The following GPRC6A variants were observed in gnomAD, a reference collection of about 807,000 sequenced individuals.
GPRC6A encodes the protein G protein-coupled receptor class C group 6 member A, also known as G protein-coupled receptor family C group 6 member A.
In GPRC6A, 54 loss-of-function variants were observed where a neutral mutation model predicts 47.0. The observed-to-expected ratio is 1.15, with a 90% confidence interval of 0.92 to 1.44. The LOEUF (loss-of-function observed/expected upper bound fraction) is 1.44, where lower values mean the gene tolerates loss of function less well. Ranked by LOEUF, GPRC6A falls within the 40% of genes most tolerant of loss-of-function variation. GPRC6A has a pLI of 0.00. For synonymous variants in GPRC6A, 347 were observed against 377.1 expected (o/e 0.92, Z 0.93); for missense variants, 1,112 against 1,105.5 (o/e 1.01, Z -0.08).
intron 1 of GPRC6A, among the ~76,000 whole-genome samples, chr6:116,810,025 A>C (rs1772975410): frequency 6.6e-6 from 1 of 152,012 alleles, no homozygotes; most frequent in Non-Finnish European, 1.5e-5. Context: ...GATAAATAAG[A>C]CTCTTAAGAA....
At chr6:116,794,719 T>C (rs1772422371) in intron 5 of GPRC6A, among the ~76,000 whole-genome samples, 2 of 152,212 alleles carry the variant, frequency 1.3e-5, no homozygotes, top group African/African-American at 4.8e-5. Flanking sequence ...TTTTTATTTA[T>C]TGATAATTTA....
Position 116,792,677 on chromosome 6 carries a change from A to G in GPRC6A, c.2246T>C (p.Ile749Thr), listed in dbSNP as rs373728061. The G allele has an allele frequency of 2.2e-5, 35 of 1,613,402 alleles. No homozygotes were observed. Among genetic ancestry groups the G allele is most frequent in the Non-Finnish European group, 2.8e-5 (33 of 1,179,590 alleles). Residue 749 changes from isoleucine to threonine, a missense_variant, in exon 6 of 6, where the codon ATA becomes ACA. Transcript: ENST00000310357. ...VIILECEEGS[I>T]LAFGTMLGYI... ...GCCCAGCATGGTGCCAAATGCAAGT[A>G]TGGATCCCTCCTCACACTCCAGGAT... is the stretch of plus-strand genomic sequence containing the variant.
intron 1 of GPRC6A, among the ~76,000 whole-genome samples, chr6:116,810,175 A>T (rs1772980346): frequency 1.3e-5 from 2 of 152,170 alleles, no homozygotes; most frequent in Non-Finnish European, 2.9e-5. Context: ...CAGAGCACTG[A>T]GTTGTCTGAT....
chr6:116,816,873 C>A (rs184631030), intron 1 of GPRC6A, among the ~76,000 whole-genome samples: 1 of 151,892 alleles, frequency 6.6e-6, no homozygotes, highest in East Asian at 1.9e-4. Context: ...CCGCACCTGG[C>A]TCAGAGGGTC....
At position 116,793,159 on chromosome 6, in the gene GPRC6A, G is replaced by A. The variant is rs1049191534; in HGVS notation, c.1764C>T (p.Asn588=). The stretch of plus-strand genomic sequence containing the variant: ...GTAGGATGGCCAAGGAGTCATTCCA[G>A]TTGAGATATTCCACTTCCTTTTCAA... The part of the protein sequence containing the change: ...MCFEKEVEYL[N]WNDSLAILLL... The change falls in exon 6 of 6, where the codon AAC becomes AAT. Residue 588 remains asparagine (N), a synonymous_variant. Coordinates refer to ENST00000310357, the MANE Select transcript of GPRC6A (RefSeq NM_148963.4). The A allele has an allele frequency of 1.5e-5, 25 of 1,613,294 alleles. No individual in the cohort carries two copies. Among genetic ancestry groups the A allele is most frequent in the Non-Finnish European group, 2.0e-5 (24 of 1,179,440 alleles).
chr6:116,793,155 T>C lies in GPRC6A; in HGVS notation c.1768A>G (p.Asn590Asp), dbSNP rs778635667. The change falls in exon 6 of 6, where the codon AAT becomes GAT. Residue 590 changes from asparagine to aspartate, a missense_variant. Asn to Asp is a conservative substitution (Grantham distance 23). Coordinates refer to ENST00000310357, the MANE Select transcript of GPRC6A (RefSeq NM_148963.4). ...FEKEVEYLNW[N>D]DSLAILLLIL... Reference sequence around the variant, plus strand: ...AGGAGTAGGATGGCCAAGGAGTCATTCCAGTTGAGATATTCCACTTCCTTT... The same window carrying C: ...AGGAGTAGGATGGCCAAGGAGTCATCCCAGTTGAGATATTCCACTTCCTTT... The C allele has an allele frequency of 6.2e-7, 1 of 1,613,486 alleles. No individual in the cohort carries two copies. The highest frequency in any genetic ancestry group is 1.3e-5 in the African/African-American group (1 of 74,908).
chr6:116,824,154 A>C (rs1207122251), intron 1 of GPRC6A, among the ~76,000 whole-genome samples: 1 of 152,142 alleles, frequency 6.6e-6, no homozygotes, highest in Non-Finnish European at 1.5e-5. Context: ...AAAAGAAGAA[A>C]GATTTCAAAT....
At chr6:116,809,066 A>G (rs1039771541) in intron 2 of GPRC6A, among the ~76,000 whole-genome samples, 1 of 152,102 alleles carries the variant, frequency 6.6e-6, no homozygotes, top group African/African-American at 2.4e-5. Flanking sequence ...CCTTTTTGCT[A>G]TTCTTTGGGC....
rs775905966 is a variant in GPRC6A, at chr6:116,793,239, A to G, written c.1684T>C (p.Cys562Arg). The G allele has an allele frequency of 5.0e-6, 8 of 1,595,540 alleles. No homozygotes were observed. The African/African-American group carries it at 9.4e-5, about 19-fold the overall frequency. Reference protein sequence around the residue: ...HYTNQTDMPHCLLCNNKTHWA... With the variant: ...HYTNQTDMPHRLLCNNKTHWA... ...TGAGTTTTGTTGTTGCATAAAAGGCAGTGAGGCATATCTAAAAGACAGAGG... is the reference window on the plus strand; with the variant it reads ...TGAGTTTTGTTGTTGCATAAAAGGCGGTGAGGCATATCTAAAAGACAGAGG... Residue 562 changes from cysteine to arginine, a missense_variant, in exon 6 of 6, where the codon TGC becomes CGC. By Grantham distance (180) the Cys-to-Arg change is radical. Coordinates refer to ENST00000310357, the MANE Select transcript of GPRC6A (RefSeq NM_148963.4).
At chr6:116,807,991 G>A (rs1207607096) in intron 2 of GPRC6A, among the ~76,000 whole-genome samples, 7 of 149,662 alleles carry the variant, frequency 4.7e-5, no homozygotes, top group South Asian at 2.1e-4. Context: ...CTTTTCTTTC[G>A]TTCCTTCTTT....
chr6:116,800,858 C>A, intron 3 of GPRC6A, 62 bp from the exon 4 acceptor site: 2 of 928,618 alleles, frequency 2.2e-6, no homozygotes, highest in Non-Finnish European at 3.4e-6. Context: ...ATCCATTATT[C>A]TAATGATAAC....
intron 4 of GPRC6A, among the ~76,000 whole-genome samples, chr6:116,797,545 AG>A (rs1772529634): frequency 1.3e-5 from 2 of 152,184 alleles, no homozygotes; most frequent in Admixed American, 1.3e-4. Context: ...AAATAATTAT[AG>A]GTGTCTCCAT....
In GPRC6A at chr6:116,795,692, T is replaced by C; in HGVS notation, c.1672+20A>G. Reference sequence around the variant, plus strand: ...GCCTAAGAGGAATGATTCAGGTGTATGTGGAGTGACTGTGATTACCTGTCT... The same window carrying C: ...GCCTAAGAGGAATGATTCAGGTGTACGTGGAGTGACTGTGATTACCTGTCT... On this transcript the variant is annotated intron_variant, in intron 5 of 5. Transcript: ENST00000310357. 1.3e-6 allele frequency: 2 copies of C among 1,591,798 alleles called. No homozygotes were observed. The highest frequency in any genetic ancestry group is 1.7e-6 in the Non-Finnish European group (2 of 1,165,922).
intron 1 of GPRC6A, among the ~76,000 whole-genome samples, chr6:116,820,597 A>T (rs1251742798): frequency 4.0e-5 from 6 of 149,142 alleles, no homozygotes; most frequent in Non-Finnish European, 6.0e-5. Context: ...AACAGAGCCA[A>T]AGACAAAAAC....
intron 1 of GPRC6A, among the ~76,000 whole-genome samples, chr6:116,826,595 C>G (rs371593718): frequency 1.2e-4 from 18 of 151,934 alleles, no homozygotes; most frequent in Non-Finnish European, 2.5e-4. Flanking sequence ...CTCATCTACA[C>G]TATTGGAGAA....
chr6:116,820,983 C>T (rs1203863725), intron 1 of GPRC6A, among the ~76,000 whole-genome samples: 1 of 151,880 alleles, frequency 6.6e-6, no homozygotes, highest in Non-Finnish European at 1.5e-5. Context: ...CCAAAATCTC[C>T]TTAAGCTGAT....
chr6:116,825,646 C>T (rs1200863073), intron 1 of GPRC6A, among the ~76,000 whole-genome samples: 1 of 151,696 alleles, frequency 6.6e-6, no homozygotes, highest in Non-Finnish European at 1.5e-5. Context: ...ATACCCAAAC[C>T]AACATATGGA....
At chr6:116,820,155 C>A (rs370695708) in intron 1 of GPRC6A, among the ~76,000 whole-genome samples, 2 of 150,676 alleles carry the variant, frequency 1.3e-5, no homozygotes, top group Non-Finnish European at 3.0e-5. Flanking sequence ...AAGACTAAAC[C>A]AGGAAGAAGT....
At chr6:116,812,635 AC>A (rs1773063876) in intron 1 of GPRC6A, among the ~76,000 whole-genome samples, 6 of 152,204 alleles carry the variant, frequency 3.9e-5, no homozygotes, top group Non-Finnish European at 8.8e-5. Flanking sequence ...AGAGACATAG[AC>A]TGGCTGTCAA....
Sources: allele counts gnomAD v4.1 joint callset (sites outside exome capture counted in the v4.1 genomes callset), GRCh38; gene constraint gnomAD v4.1.1; transcripts MANE v1.5; gene names NCBI Gene and HGNC (gene_info 2026-07-23, HGNC 2026-07-21).